Variants in CCDC141 observed in about 807,000 individuals in gnomAD.
CCDC141 encodes coiled-coil domain containing 141, also known as coiled-coil domain-containing protein 141.
Under a neutral mutation model 181.0 loss-of-function variants are expected in CCDC141, and 168 were observed. The ratio of observed to expected loss-of-function variants is 0.93; its 90% CI spans 0.82 to 1.05. CCDC141 has a LOEUF of 1.05. Ranked by LOEUF, CCDC141 falls within the 50% of genes least tolerant of loss-of-function variation. CCDC141 has a pLI of 0.00. For missense variants in CCDC141, 1,902 were observed against 1,788.5 expected (o/e 1.06, Z -1.14); for synonymous variants, 666 against 642.3 (o/e 1.04, Z -0.56).
rs570024001 is a variant in CCDC141 at position 178,965,021 on chromosome 2, T to C, written c.527-3538A>G. On this transcript the variant is annotated intron_variant, in intron 4 of 23. Transcript: ENST00000443758. ...TATAGTTTGCCACAATTATTAAGTA[T>C]AAATAACCAATTTAAGATGGTATAA... Among the ~76,000 whole-genome samples the C allele has an allele frequency of 3.9e-5, 6 of 152,346 alleles. No individual in the cohort carries two copies. In the South Asian group the frequency reaches 1.2e-3, roughly 32 times the overall value.
chr2:179,041,584 T>G (rs79301999), intron 2 of CCDC141, among the ~76,000 whole-genome samples: 6 of 143,594 alleles, frequency 4.2e-5, no homozygotes, highest in Admixed American at 2.2e-4. Flanking sequence ...ACCTTAAATG[T>G]AAATGGAAAT....
intron 2 of CCDC141, among the ~76,000 whole-genome samples, chr2:178,980,358 G>C (rs978046265): frequency 2.6e-5 from 4 of 152,260 alleles, no homozygotes; most frequent in African/African-American, 9.6e-5. Context: ...GCTGAGGCAG[G>C]AGAATGGCAT....
intron 5 of CCDC141, among the ~76,000 whole-genome samples, chr2:178,956,878 G>A (rs929238076): frequency 6.8e-6 from 1 of 147,356 alleles, no homozygotes; most frequent in African/African-American, 2.5e-5. Flanking sequence ...GGCTGAATGA[G>A]AAAGCTTTTT....
chr2:179,007,717 A>G (rs1018867142), intron 2 of CCDC141, among the ~76,000 whole-genome samples: 4 of 152,202 alleles, frequency 2.6e-5, no homozygotes, highest in African/African-American at 9.7e-5. Flanking sequence ...TGAATGCAAT[A>G]ATACTATCTC....
chr2:178,884,788 A>G, intron 11 of CCDC141, 113 bp downstream of exon 11: 1 of 692,368 alleles, frequency 1.4e-6, no homozygotes, highest in South Asian at 2.4e-5. Context: ...GAGCCCACGC[A>G]CAGGGGTAGA....
chr2:179,016,821 A>G (rs1231142359), intron 2 of CCDC141, among the ~76,000 whole-genome samples: 3 of 152,128 alleles, frequency 2.0e-5, no homozygotes, highest in Non-Finnish European at 4.4e-5. Flanking sequence ...GGTGGATGGT[A>G]AAGAGCAGAG....
chr2:178,837,416 G>T lies in CCDC141; in HGVS notation c.3803C>A (p.Pro1268Gln), dbSNP rs1213883939. The T allele has an allele frequency of 1.2e-6, 2 of 1,614,092 alleles. No individual in the cohort carries two copies. The highest frequency in any genetic ancestry group is 1.7e-6 in the Non-Finnish European group (2 of 1,179,990). Residue 1268 changes from proline (P) to glutamine (Q), a missense_variant, in exon 23 of 24, where the codon CCA (proline) becomes CAA (glutamine). Physicochemically the swap from Pro to Gln is moderately conservative, Grantham distance 76. Transcript: ENST00000443758. ...GCATGCATCCGCAAAGGCAACAGGT[G>T]GTGGAAGAACAGATTCCTGGGCATC... ...PGDAQESVLPPPVAFADACND... is the reference protein window; with the variant it reads ...PGDAQESVLPQPVAFADACND...
intron 12 of CCDC141, 109 bp from the exon 13 acceptor site, chr2:178,872,421 GA>G: frequency 1.0e-6 from 1 of 978,342 alleles, no homozygotes. Flanking sequence ...CAAAGCCGAA[GA>G]TGGTTCTGAC....
chr2:178,851,510 C>T (rs1438951324), intron 20 of CCDC141, among the ~76,000 whole-genome samples: 1 of 152,086 alleles, frequency 6.6e-6, no homozygotes, highest in African/African-American at 2.4e-5. Flanking sequence ...GGGAGAGACA[C>T]CAGGGGCATG....
intron 2 of CCDC141, among the ~76,000 whole-genome samples, chr2:179,006,237 T>C (rs2042120458): frequency 6.6e-6 from 1 of 152,232 alleles, no homozygotes; most frequent in Non-Finnish European, 1.5e-5. Context: ...GAGATATCAT[T>C]CAATTTGTTA....
At chr2:178,949,904 C>T (rs538155169) in intron 5 of CCDC141, among the ~76,000 whole-genome samples, 1 of 152,298 alleles carries the variant, frequency 6.6e-6, no homozygotes, top group South Asian at 2.1e-4. Context: ...TCTGCTGCAG[C>T]CCAAAGCAAC....
intron 15 of CCDC141, 73 bp from the exon 16 acceptor site, chr2:178,868,278 T>A (rs1220735408): frequency 4.6e-6 from 6 of 1,318,222 alleles, no homozygotes; most frequent in Non-Finnish European, 6.4e-6. Context: ...CTAATTTCTA[T>A]AGCACATTTT....
At chr2:179,015,556 C>CTCATATATG (rs2042480626) in intron 2 of CCDC141, among the ~76,000 whole-genome samples, 3 of 10,478 alleles carry the variant, frequency 2.9e-4, no homozygotes, top group African/African-American at 4.6e-4. Flanking sequence ...TATCTCATAT[C>CTCATATATG]TCATATATAT....
At chr2:178,982,819 C>T (rs908914181) in intron 2 of CCDC141, among the ~76,000 whole-genome samples, 1 of 152,194 alleles carries the variant, frequency 6.6e-6, no homozygotes, top group Non-Finnish European at 1.5e-5. Flanking sequence ...GGTCCTACCC[C>T]ACAGAGTCTC....
intron 1 of CCDC141, among the ~76,000 whole-genome samples, chr2:179,049,055 T>C (rs1393406462): frequency 6.6e-6 from 1 of 152,198 alleles, no homozygotes; most frequent in African/African-American, 2.4e-5. Context: ...GAATATCATC[T>C]AAAGCCCAAG....
chr2:178,856,581 T>C (rs1685399906), intron 17 of CCDC141, among the ~76,000 whole-genome samples, 184 bp from the exon 18 acceptor site: 1 of 151,960 alleles, frequency 6.6e-6, no homozygotes, highest in Non-Finnish European at 1.5e-5. Flanking sequence ...TCTCTTTCTT[T>C]CTTCTCTCTC....
intron 11 of CCDC141, among the ~76,000 whole-genome samples, chr2:178,878,369 GCGCACTGCAGCCCCAAACTCTTGGGGTCA>G: frequency 6.6e-6 from 1 of 151,206 alleles, no homozygotes; most frequent in Admixed American, 6.6e-5. Context: ...CACCACCATA[GCGCACTGCAGCCCCAAACTCTTGGGGTCA>G]AGCAATCCTC....
chr2:178,907,330 C>A (rs974338945), intron 7 of CCDC141, among the ~76,000 whole-genome samples: 1 of 152,156 alleles, frequency 6.6e-6, no homozygotes, highest in African/African-American at 2.4e-5. Flanking sequence ...TACCAAGGAG[C>A]AGATTTGGGA....
intron 2 of CCDC141, among the ~76,000 whole-genome samples, chr2:179,044,670 G>T (rs908413219): frequency 6.6e-6 from 1 of 152,222 alleles, no homozygotes; most frequent in Non-Finnish European, 1.5e-5. Flanking sequence ...CTGGGGAAAA[G>T]ATGTGGTTTC....
Sources: gnomAD v4.1 joint callset for allele counts (sites outside exome capture counted in the v4.1 genomes callset) on GRCh38, gnomAD v4.1.1 for gene constraint, MANE v1.5 for transcripts, NCBI Gene and HGNC (gene_info 2026-07-23, HGNC 2026-07-21) for gene names.